The following PCTP variants were observed in gnomAD, a reference collection of about 807,000 sequenced individuals.
The protein encoded by PCTP is START domain-containing protein 2.
In PCTP, 27 loss-of-function variants were observed where a neutral mutation model predicts 31.0. The observed-to-expected ratio is 0.87, with a 90% CI of 0.64 to 1.20. The LOEUF is 1.20. PCTP is among the 50% of genes most tolerant of loss of function. The probability of loss-of-function intolerance (pLI) is 0.00; values close to 1 mark genes in which losing one functional copy is unlikely to be tolerated. For synonymous variants in PCTP, 108 were observed against 101.2 expected (o/e 1.07, Z -0.40); for missense variants, 287 against 268.2 (o/e 1.07, Z -0.49).
At chr17:55,815,949 C>T (rs1328922321) in intron 3 of PCTP, among the ~76,000 whole-genome samples, 1 of 152,138 alleles carries the variant, frequency 6.6e-6, no homozygotes, top group African/African-American at 2.4e-5. Flanking sequence ...CCTACAAAGT[C>T]TAATGGAAGT....
chr17:55,808,738 C>T (rs1031744190), intron 3 of PCTP, among the ~76,000 whole-genome samples: 1 of 152,078 alleles, frequency 6.6e-6, no homozygotes, highest in Non-Finnish European at 1.5e-5. Flanking sequence ...GGCAGTAATA[C>T]GTCTTAAAGA....
intron 1 of PCTP, among the ~76,000 whole-genome samples, chr17:55,756,708 A>G (rs1159979670): frequency 7.8e-6 from 1 of 128,034 alleles, no homozygotes; most frequent in Non-Finnish European, 1.7e-5. Context: ...GTGTGTGTGT[A>G]TTATGAATGT....
intron 1 of PCTP, among the ~76,000 whole-genome samples, chr17:55,761,346 A>G (rs984286787): frequency 3.9e-5 from 6 of 151,978 alleles, no homozygotes; most frequent in African/African-American, 7.2e-5. Flanking sequence ...AAAATACATG[A>G]CTTTTGTTGT....
At chr17:55,782,751 A>T (rs990050765) in intron 2 of PCTP, among the ~76,000 whole-genome samples, 1 of 152,210 alleles carries the variant, frequency 6.6e-6, no homozygotes, top group African/African-American at 2.4e-5. Flanking sequence ...TGATCCACAC[A>T]AGCCTGAAAT....
chr17:55,772,788 T>A (rs938662837), intron 3 of PCTP, among the ~76,000 whole-genome samples: 8 of 152,100 alleles, frequency 5.3e-5, no homozygotes, highest in African/African-American at 1.9e-4. Context: ...CTAAGTAGGT[T>A]TTGGAGCCAG....
intron 3 of PCTP, among the ~76,000 whole-genome samples, chr17:55,802,964 C>T (rs1295487221): frequency 2.0e-5 from 3 of 152,130 alleles, no homozygotes; most frequent in Non-Finnish European, 2.9e-5. Flanking sequence ...CAAACCCCAT[C>T]GTCTCAGCCC....
chr17:55,762,377 C>T (rs757690897), intron 1 of PCTP, among the ~76,000 whole-genome samples: 3 of 151,728 alleles, frequency 2.0e-5, no homozygotes, highest in East Asian at 1.9e-4. Flanking sequence ...CGGGGGCATC[C>T]GTGAGTCTTA....
chr17:55,783,934 G>A (rs1911655278), intron 2 of PCTP, among the ~76,000 whole-genome samples: 1 of 152,192 alleles, frequency 6.6e-6, no homozygotes, highest in African/African-American at 2.4e-5. Flanking sequence ...TTGATGGCGA[G>A]GTTGAGTAAT....
At chr17:55,766,258 CTT>C (rs1210880476) in intron 1 of PCTP, among the ~76,000 whole-genome samples, 22 of 138,442 alleles carry the variant, frequency 1.6e-4, no homozygotes, top group Non-Finnish European at 1.9e-4. Context: ...AGCTGCTTTT[CTT>C]TTTTTTTTTT....
intron 3 of PCTP, among the ~76,000 whole-genome samples, chr17:55,810,581 T>C (rs1361133692): frequency 6.6e-6 from 1 of 152,248 alleles, no homozygotes; most frequent in East Asian, 1.9e-4. Flanking sequence ...GGAGTGAACC[T>C]CATCTACTCG....
intron 3 of PCTP, among the ~76,000 whole-genome samples, chr17:55,788,493 A>G (rs1043896936): frequency 6.6e-6 from 1 of 152,222 alleles, no homozygotes. Context: ...CTGTGCCATG[A>G]ACCAAGTTGG....
chr17:55,850,993 A>AAAT, the PCTP span, among the ~76,000 whole-genome samples: 1 of 152,172 alleles, frequency 6.6e-6, no homozygotes, highest in Non-Finnish European at 1.5e-5. Flanking sequence ...TTTTTTAGAT[A>AAAT]AATTATTTTA....
chr17:55,849,968 A>C, the PCTP span, among the ~76,000 whole-genome samples: 1 of 152,162 alleles, frequency 6.6e-6, no homozygotes, highest in African/African-American at 2.4e-5. Flanking sequence ...TATTAACTAA[A>C]GTTTATATTT....
intron 3 of PCTP, among the ~76,000 whole-genome samples, chr17:55,814,475 G>GGCTGTGCCAGCA (rs1201641735): frequency 1.3e-5 from 2 of 152,234 alleles, no homozygotes; most frequent in African/African-American, 2.4e-5. Flanking sequence ...AGGCACCTCT[G>GGCTGTGCCAGCA]GCTGTGCCAG....
intron 3 of PCTP, among the ~76,000 whole-genome samples, chr17:55,820,448 T>C (rs1913077480): frequency 2.0e-5 from 3 of 152,168 alleles, no homozygotes; most frequent in Non-Finnish European, 4.4e-5. Flanking sequence ...TGTTATTAGG[T>C]CCTCACATGA....
chr17:55,844,397 T>C (rs894375103), downstream of PCTP, among the ~76,000 whole-genome samples: 7 of 152,184 alleles, frequency 4.6e-5, no homozygotes, highest in Non-Finnish European at 8.8e-5. Context: ...CACTACTGCT[T>C]GTCCAAACTT....
chr17:55,792,196 A>T (rs1401806005), intron 3 of PCTP, among the ~76,000 whole-genome samples: 2 of 149,148 alleles, frequency 1.3e-5, no homozygotes, highest in South Asian at 4.3e-4. Context: ...TGGGAGATAT[A>T]CCTAATGCTA....
chr17:55,771,223 A>G (rs1910988997), intron 3 of PCTP, 38 bp downstream of exon 3: 1 of 1,515,928 alleles, frequency 6.6e-7, no homozygotes, highest in South Asian at 1.1e-5. Flanking sequence ...CTGGCCCTCT[A>G]AGTGTTTCTG....
chr17:55,840,535 A>G (rs1905941446), intron 5 of PCTP, among the ~76,000 whole-genome samples: 1 of 152,256 alleles, frequency 6.6e-6, no homozygotes, highest in Non-Finnish European at 1.5e-5. Context: ...TTTGTTTTCC[A>G]TGGTTTTGGT....
Sources: allele counts gnomAD v4.1 joint callset (sites outside exome capture counted in the v4.1 genomes callset), GRCh38; gene constraint gnomAD v4.1.1; transcripts MANE v1.5; gene names NCBI Gene and HGNC (gene_info 2026-07-23, HGNC 2026-07-21).